The following CSMD1 variants were observed in gnomAD, a reference collection of about 807,000 sequenced individuals.
The protein encoded by CSMD1 is CUB and sushi domain-containing protein 1.
CSMD1 carries 213 observed loss-of-function variants against 417.5 expected under a neutral mutation model. The observed-to-expected ratio is 0.51, with a 90% confidence interval of 0.46 to 0.57. The LOEUF (loss-of-function observed/expected upper bound fraction) is 0.57. Among genes scored for constraint, CSMD1 ranks in the 20% least tolerant of loss-of-function variants. The probability of loss-of-function intolerance (pLI) is 0.00; values close to 1 mark genes in which losing one functional copy is unlikely to be tolerated. For missense variants in CSMD1, 6,923 were observed against 4,529.7 expected, an observed-to-expected ratio of 1.53 and a Z score of -15.17; for synonymous variants, 2,862 against 1,736.8, an observed-to-expected ratio of 1.65 and a Z score of -16.11.
chr8:4,145,416 C>G (rs1804052038), intron 3 of CSMD1, among the ~76,000 whole-genome samples: 1 of 151,202 alleles, frequency 6.6e-6, no homozygotes, highest in East Asian at 1.9e-4. Flanking sequence ...GTGACTTAAT[C>G]TGGGAAAAGT....
chr8:3,781,450 A>G (rs893372669), intron 5 of CSMD1, among the ~76,000 whole-genome samples: 4 of 151,994 alleles, frequency 2.6e-5, no homozygotes, highest in Non-Finnish European at 5.9e-5. Context: ...TTCCTCTCAG[A>G]GAATACGGGT....
At chr8:4,359,335 C>A (rs1420454844) in intron 3 of CSMD1, among the ~76,000 whole-genome samples, 1 of 152,144 alleles carries the variant, frequency 6.6e-6, no homozygotes. Context: ...CAAATAGGTA[C>A]AACATATCTA....
At chr8:3,774,849 G>C (rs544954957) in intron 5 of CSMD1, among the ~76,000 whole-genome samples, 36 of 152,250 alleles carry the variant, frequency 2.4e-4, no homozygotes, top group South Asian at 1.9e-3. Context: ...AAGACTACCA[G>C]TGGATGCCTG....
At chr8:3,345,219 G>T (rs2117622291) in intron 22 of CSMD1, among the ~76,000 whole-genome samples, 1 of 152,276 alleles carries the variant, frequency 6.6e-6, no homozygotes, top group East Asian at 1.9e-4. Context: ...GTCCTCATGA[G>T]GACTTGACCA....
At chr8:4,550,122 G>A (rs755291042) in intron 2 of CSMD1, among the ~76,000 whole-genome samples, 13 of 151,624 alleles carry the variant, frequency 8.6e-5, no homozygotes, top group Non-Finnish European at 1.6e-4. Flanking sequence ...CTTTTCCCCA[G>A]TTCTCCTTTT....
At chr8:4,431,422 A>G (rs1032366655) in intron 2 of CSMD1, among the ~76,000 whole-genome samples, 10 of 152,144 alleles carry the variant, frequency 6.6e-5, no homozygotes, top group Admixed American at 2.0e-4. Context: ...AAGGAGGAAC[A>G]AGGTGAGAGG....
intron 11 of CSMD1, among the ~76,000 whole-genome samples, chr8:3,479,099 A>G (rs926221241): frequency 6.6e-6 from 1 of 151,846 alleles, no homozygotes; most frequent in African/African-American, 2.4e-5. Context: ...CTCCTTGGGC[A>G]CTAAAGGCAC....
chr8:3,531,682 G>T (rs1797986559), intron 10 of CSMD1, among the ~76,000 whole-genome samples: 2 of 152,062 alleles, frequency 1.3e-5, no homozygotes, highest in African/African-American at 4.8e-5. Context: ...AGATAATGAG[G>T]GCAAAGAGTC....
At chr8:4,830,738 T>C (rs565736932) in intron 1 of CSMD1, among the ~76,000 whole-genome samples, 17 of 152,344 alleles carry the variant, frequency 1.1e-4, no homozygotes, top group Non-Finnish European at 1.9e-4. Context: ...TTCGCTTAAT[T>C]GGAACCATTG....
Position 3,219,319 on chromosome 8 carries a change from G to T in CSMD1, c.4608C>A (p.Ser1536Arg). ...CATCACTCCGAAATGCCAGAAACAGGCTGTTTCCGCTACTCTCTATTCTTT... is the reference window on the plus strand; with the variant it reads ...CATCACTCCGAAATGCCAGAAACAGTCTGTTTCCGCTACTCTCTATTCTTT... ...APERIESSGNSLFLAFRSDAS... is the reference protein window; with the variant it reads ...APERIESSGNRLFLAFRSDAS... The change falls in exon 29 of 70, where the codon AGC becomes AGA. Residue 1536 changes from serine (S) to arginine (R), a missense_variant. By Grantham distance (110) the Ser-to-Arg change is moderately radical. Coordinates refer to ENST00000635120, the MANE Select transcript of CSMD1 (RefSeq NM_033225.6). The T allele has an allele frequency of 6.3e-7, 1 of 1,587,902 alleles. No homozygotes were observed. The highest frequency in any genetic ancestry group is 8.6e-7 in the Non-Finnish European group (1 of 1,166,230).
intron 3 of CSMD1, among the ~76,000 whole-genome samples, chr8:4,257,980 A>G (rs535823687): frequency 2.9e-4 from 44 of 152,272 alleles, no homozygotes; most frequent in African/African-American, 1.0e-3. Context: ...CTGCCATAAA[A>G]GAATATCATA....
At chr8:3,578,087 G>A (rs1385853106) in intron 9 of CSMD1, among the ~76,000 whole-genome samples, 1 of 152,194 alleles carries the variant, frequency 6.6e-6, no homozygotes, top group African/African-American at 2.4e-5. Context: ...ATAGTGGAGA[G>A]AGAAGAGCCA....
chr8:4,841,102 C>G (rs1204920788), intron 1 of CSMD1, among the ~76,000 whole-genome samples: 3 of 152,142 alleles, frequency 2.0e-5, no homozygotes, highest in East Asian at 1.9e-4. Flanking sequence ...GGATCTTTGT[C>G]GACTGCAGAA....
intron 3 of CSMD1, among the ~76,000 whole-genome samples, chr8:4,133,872 G>T (rs79801437): frequency 0.03 from 4,528 of 152,130 alleles, 228 homozygotes; most frequent in African/African-American, 0.1. Flanking sequence ...TATAAAGACA[G>T]GAAATTTTTT....
intron 37 of CSMD1, among the ~76,000 whole-genome samples, chr8:3,179,176 ACC>A (rs1277541008): frequency 6.6e-6 from 1 of 151,378 alleles, no homozygotes; most frequent in Non-Finnish European, 1.5e-5. Context: ...CGATCTCCTG[ACC>A]TCGTGATCTG....
At chr8:4,857,991 T>C (rs938540466) in intron 1 of CSMD1, among the ~76,000 whole-genome samples, 1 of 152,160 alleles carries the variant, frequency 6.6e-6, no homozygotes, top group Non-Finnish European at 1.5e-5. Context: ...ATATCTTTGA[T>C]GAACATTGAC....
At chr8:4,041,765 G>A (rs1214020939) in intron 3 of CSMD1, among the ~76,000 whole-genome samples, 3 of 152,062 alleles carry the variant, frequency 2.0e-5, no homozygotes, top group Non-Finnish European at 4.4e-5. Context: ...GATGGAACAT[G>A]TTGTCTTGAG....
intron 3 of CSMD1, among the ~76,000 whole-genome samples, chr8:4,087,343 C>G (rs1033843454): frequency 6.6e-6 from 1 of 152,206 alleles, no homozygotes; most frequent in Admixed American, 6.5e-5. Flanking sequence ...CAGGGAACCA[C>G]TTGCAAGTCT....
At chr8:4,693,733 T>C (rs77068790) in intron 1 of CSMD1, among the ~76,000 whole-genome samples, 6,694 of 152,292 alleles carry the variant, frequency 0.044, 164 homozygotes, top group East Asian at 0.094. Context: ...TGACTATTCA[T>C]AGATGTGATC....
Sources: allele counts gnomAD v4.1 joint callset (sites outside exome capture counted in the v4.1 genomes callset), GRCh38; gene constraint gnomAD v4.1.1; transcripts MANE v1.5; gene names NCBI Gene and HGNC (gene_info 2026-07-23, HGNC 2026-07-21).